Variants in MAF observed in about 807,000 individuals in gnomAD.
The protein encoded by MAF is MAF bZIP transcription factor.
Under a neutral mutation model 22.0 loss-of-function variants are expected in MAF, and 10 were observed. The ratio of observed to expected loss-of-function variants is 0.45; its 90% CI spans 0.28 to 0.77. The LOEUF (loss-of-function observed/expected upper bound fraction) is 0.77. MAF is among the 30% of genes least tolerant of loss of function. MAF has a pLI of 0.12. For missense variants in MAF, 544 were observed against 548.4 expected (o/e 0.99, Z 0.08); for synonymous variants, 337 against 255.8 (o/e 1.32, Z -3.03).
At chr16:79,380,406 C>T in the MAF span, among the ~76,000 whole-genome samples, 7 of 152,172 alleles carry the variant, frequency 4.6e-5, no homozygotes, top group East Asian at 1.9e-4. Flanking sequence ...CTTAGGTCCA[C>T]GAATCATGCT....
chr16:79,288,238 C>T, the MAF span, among the ~76,000 whole-genome samples: 1 of 152,216 alleles, frequency 6.6e-6, no homozygotes, highest in African/African-American at 2.4e-5. Flanking sequence ...ATCTCCTCCC[C>T]TTGAGCCTGG....
At position 79,600,697 on chromosome 16, in the gene MAF, T is replaced by C. The variant is rs1015229476; in HGVS notation, c.-795A>G. On this transcript the variant is annotated 5_prime_UTR_variant, in exon 1 of 2. Coordinates refer to ENST00000326043, the MANE Select transcript of MAF (RefSeq NM_005360.5). ...GCCGACAAGCAGCCCGAGCTACAGC[T>C]AGAAGATGAAAAAAGATTTTAAAGC... 25 of 195,238 alleles carry C rather than the reference T, an allele frequency of 1.3e-4. No homozygotes were observed. The highest frequency in any genetic ancestry group is 5.5e-4 in the African/African-American group (23 of 42,166). 12.1% of individuals were successfully genotyped at this position (195,238 alleles called of 1,614,324 possible). A position where few individuals can be genotyped will look rare whatever the true frequency, so the allele number is the denominator to read the frequency against.
chr16:79,576,231 TAAAAAAAAAAAA>T, the MAF span, among the ~76,000 whole-genome samples: 1 of 43,012 alleles, frequency 2.3e-5, no homozygotes, highest in African/African-American at 7.7e-5. Context: ...CCTGTGGTAC[TAAAAAAAAAAAA>T]AAAAAAAAAA....
At chr16:79,530,740 T>A in the MAF span, among the ~76,000 whole-genome samples, 27 of 152,224 alleles carry the variant, frequency 1.8e-4, no homozygotes, top group Admixed American at 3.9e-4. Flanking sequence ...TTTATAATAA[T>A]AAAATTAACG....
the MAF span, among the ~76,000 whole-genome samples, chr16:79,310,490 G>C: frequency 6.6e-6 from 1 of 152,172 alleles, no homozygotes; most frequent in Non-Finnish European, 1.5e-5. Context: ...GGCCTAGGTT[G>C]ACCACCTTTA....
chr16:79,389,867 T>C, the MAF span, among the ~76,000 whole-genome samples: 1 of 146,236 alleles, frequency 6.8e-6, no homozygotes. Flanking sequence ...TCCCAGCTAC[T>C]AGGGAGGCTG....
the MAF span, among the ~76,000 whole-genome samples, chr16:79,302,835 G>C: frequency 6.6e-6 from 1 of 152,200 alleles, no homozygotes; most frequent in African/African-American, 2.4e-5. Context: ...ATGAAGACAA[G>C]CTGTTGTCAA....
chr16:79,210,883 C>T, the MAF span, among the ~76,000 whole-genome samples: 59 of 152,158 alleles, frequency 3.9e-4, no homozygotes, highest in Non-Finnish European at 7.3e-4. Context: ...TTGCAACTTA[C>T]ATTTTGAAGT....
the MAF span, among the ~76,000 whole-genome samples, chr16:79,463,205 A>G: frequency 6.6e-6 from 1 of 152,214 alleles, no homozygotes; most frequent in Non-Finnish European, 1.5e-5. Flanking sequence ...GCAAAGCAGA[A>G]GTGGTTGCAG....
chr16:79,283,981 A>AAG, the MAF span, among the ~76,000 whole-genome samples: 11 of 77,494 alleles, frequency 1.4e-4, no homozygotes, highest in African/African-American at 4.9e-4. Flanking sequence ...AAAAAAAAAA[A>AAG]AAAAGACAAA....
chr16:79,550,443 A>G, the MAF span, among the ~76,000 whole-genome samples: 1 of 151,966 alleles, frequency 6.6e-6, no homozygotes, highest in African/African-American at 2.4e-5. Flanking sequence ...AGTCTCCATC[A>G]CTCCCAGGTC....
chr16:79,211,304 G>T, the MAF span, among the ~76,000 whole-genome samples: 1 of 152,172 alleles, frequency 6.6e-6, no homozygotes, highest in Non-Finnish European at 1.5e-5. Context: ...CTTTTTCTCT[G>T]TGTGGAAGAG....
At chr16:79,263,909 T>A in the MAF span, among the ~76,000 whole-genome samples, 2 of 152,284 alleles carry the variant, frequency 1.3e-5, no homozygotes, top group South Asian at 4.2e-4. Flanking sequence ...CATCCCTTAA[T>A]CCCTCTGGTC....
chr16:79,478,698 C>T, the MAF span, among the ~76,000 whole-genome samples: 1 of 152,120 alleles, frequency 6.6e-6, no homozygotes. Context: ...GTGTAGCATC[C>T]CAGGGTTCAT....
the MAF span, among the ~76,000 whole-genome samples, chr16:79,475,779 C>G: frequency 6.6e-6 from 1 of 152,112 alleles, no homozygotes; most frequent in Non-Finnish European, 1.5e-5. Flanking sequence ...GGCAGAATGA[C>G]AACCATTCTT....
At chr16:79,341,702 G>T in the MAF span, among the ~76,000 whole-genome samples, 15 of 152,292 alleles carry the variant, frequency 9.8e-5, 1 homozygote, top group African/African-American at 3.6e-4. Flanking sequence ...TATAACTCTG[G>T]CTTTGGTGCA....
chr16:79,496,299 G>C, the MAF span, among the ~76,000 whole-genome samples: 2 of 152,120 alleles, frequency 1.3e-5, no homozygotes, highest in Non-Finnish European at 2.9e-5. Flanking sequence ...GGGTCATTTC[G>C]GAAGATTGCA....
At chr16:79,514,054 T>C in the MAF span, among the ~76,000 whole-genome samples, 2 of 152,204 alleles carry the variant, frequency 1.3e-5, no homozygotes, top group African/African-American at 4.8e-5. Context: ...TATCCCTCCT[T>C]CCCCTACATT....
At chr16:79,281,509 C>T in the MAF span, among the ~76,000 whole-genome samples, 1 of 150,832 alleles carries the variant, frequency 6.6e-6, no homozygotes, top group African/African-American at 2.4e-5. Flanking sequence ...TATGAAATCC[C>T]ATCTCAAGCA....
Sources: allele counts gnomAD v4.1 joint callset (sites outside exome capture counted in the v4.1 genomes callset), GRCh38; gene constraint gnomAD v4.1.1; transcripts MANE v1.5; gene names NCBI Gene and HGNC (gene_info 2026-07-23, HGNC 2026-07-21).